The following GPC5 variants were observed in gnomAD, a reference collection of about 807,000 sequenced individuals.
GPC5 encodes glypican-5.
A neutral mutation model predicts 53.9 loss-of-function variants in GPC5; 47 were observed. The observed-to-expected ratio is 0.87, with a 90% confidence interval of 0.69 to 1.11. The LOEUF (loss-of-function observed/expected upper bound fraction) is 1.11. Among genes scored for constraint, GPC5 ranks in the 50% most tolerant of loss-of-function variants. The pLI is 0.00. For synonymous variants in GPC5, 286 were observed against 263.3 expected (o/e 1.09, Z -0.84); for missense variants, 748 against 713.1 (o/e 1.05, Z -0.56).
chr13:92,607,602 T>C (rs913123708), intron 7 of GPC5, among the ~76,000 whole-genome samples: 21 of 152,182 alleles, frequency 1.4e-4, no homozygotes, highest in African/African-American at 4.8e-4. Flanking sequence ...AAATTGTCTA[T>C]GAAATTGTGT....
chr13:92,484,680 A>G (rs1034701915), intron 7 of GPC5: 1 of 152,306 alleles, frequency 6.6e-6, no homozygotes, highest in Middle Eastern at 3.4e-3. Context: ...GACAGACAAC[A>G]TGTGAGTTTG....
At chr13:91,715,794 C>CTG (rs1250569260) in intron 3 of GPC5, among the ~76,000 whole-genome samples, 4 of 149,484 alleles carry the variant, frequency 2.7e-5, no homozygotes, top group Admixed American at 6.7e-5. Context: ...CTCTCTCTCT[C>CTG]TCTCTCTGTG....
At chr13:92,115,340 C>T (rs2041591910) in intron 6 of GPC5, among the ~76,000 whole-genome samples, 1 of 152,172 alleles carries the variant, frequency 6.6e-6, no homozygotes, top group South Asian at 2.1e-4. Context: ...AAGCGCATCT[C>T]TACTAAAAAT....
intron 7 of GPC5, among the ~76,000 whole-genome samples, chr13:92,382,191 T>TA (rs1393507362): frequency 6.6e-6 from 1 of 151,754 alleles, no homozygotes; most frequent in Non-Finnish European, 1.5e-5. Flanking sequence ...ATAAGAATGA[T>TA]ACAATGGACT....
intron 7 of GPC5, among the ~76,000 whole-genome samples, chr13:92,822,958 C>T (rs907160403): frequency 1.3e-5 from 2 of 150,832 alleles, no homozygotes; most frequent in Non-Finnish European, 2.9e-5. Context: ...GTAGTAAGCA[C>T]TTTTTGAGAA....
intron 2 of GPC5, among the ~76,000 whole-genome samples, chr13:91,491,504 C>T (rs1195970689): frequency 6.6e-6 from 1 of 152,130 alleles, no homozygotes; most frequent in Non-Finnish European, 1.5e-5. Flanking sequence ...TAACTTCATG[C>T]CTTTCCAAAC....
chr13:91,926,648 C>T (rs1393709827), intron 6 of GPC5, among the ~76,000 whole-genome samples: 1 of 152,184 alleles, frequency 6.6e-6, no homozygotes. Flanking sequence ...TAAGCTACCC[C>T]TTTGGCTTAA....
chr13:92,485,823 A>G (rs1195779293), intron 7 of GPC5, among the ~76,000 whole-genome samples: 1 of 152,204 alleles, frequency 6.6e-6, no homozygotes, highest in Non-Finnish European at 1.5e-5. Context: ...TAAATTAGCC[A>G]GACTTGGTGG....
chr13:92,197,533 T>C (rs866310634), intron 7 of GPC5, among the ~76,000 whole-genome samples: 3 of 152,126 alleles, frequency 2.0e-5, no homozygotes, highest in Non-Finnish European at 4.4e-5. Context: ...GGTCTCGCTT[T>C]TTCTCCCAGG....
At chr13:92,860,127 TTTCA>T (rs1879131088) in intron 7 of GPC5, among the ~76,000 whole-genome samples, 1 of 152,226 alleles carries the variant, frequency 6.6e-6, no homozygotes, top group Non-Finnish European at 1.5e-5. Flanking sequence ...CATTACTTCA[TTTCA>T]TTCATTGTTT....
intron 2 of GPC5, among the ~76,000 whole-genome samples, chr13:91,451,525 C>T (rs1881172541): frequency 6.6e-6 from 1 of 151,992 alleles, no homozygotes; most frequent in Admixed American, 6.6e-5. Context: ...CTAAGATTAT[C>T]CTATGTGAAA....
chr13:92,546,149 G>A (rs1267075194), intron 7 of GPC5, among the ~76,000 whole-genome samples: 1 of 152,034 alleles, frequency 6.6e-6, no homozygotes, highest in African/African-American at 2.4e-5. Flanking sequence ...ACATAGTGTT[G>A]GAAGTTCTGG....
chr13:92,345,130 TATG>T (rs2043399940), intron 7 of GPC5, among the ~76,000 whole-genome samples: 2 of 152,096 alleles, frequency 1.3e-5, no homozygotes, highest in African/African-American at 4.8e-5. Flanking sequence ...CCAGAATAAT[TATG>T]ATCCATGAAA....
intron 2 of GPC5, among the ~76,000 whole-genome samples, chr13:91,657,141 T>C (rs776172926): frequency 1.3e-5 from 2 of 152,182 alleles, no homozygotes; most frequent in African/African-American, 2.4e-5. Flanking sequence ...ATGATCATAC[T>C]GGCAGGAGAA....
intron 1 of GPC5, among the ~76,000 whole-genome samples, chr13:91,414,767 C>T (rs1366000195): frequency 6.6e-6 from 1 of 152,176 alleles, no homozygotes; most frequent in Non-Finnish European, 1.5e-5. Flanking sequence ...ACCATACTCT[C>T]TTGGTCATGA....
intron 7 of GPC5, among the ~76,000 whole-genome samples, chr13:92,341,498 G>C (rs968932261): frequency 2.6e-5 from 4 of 151,970 alleles, no homozygotes; most frequent in African/African-American, 9.7e-5. Flanking sequence ...TAATTTCAAA[G>C]TAATGCTATA....
At chr13:92,814,254 C>G (rs1167005665) in intron 7 of GPC5, among the ~76,000 whole-genome samples, 2 of 151,898 alleles carry the variant, frequency 1.3e-5, no homozygotes, top group Non-Finnish European at 2.9e-5. Context: ...CCCAAAACTA[C>G]AAAACTCCCA....
At chr13:92,278,879 T>C (rs1019778668) in intron 7 of GPC5, among the ~76,000 whole-genome samples, 1 of 152,098 alleles carries the variant, frequency 6.6e-6, no homozygotes, top group Non-Finnish European at 1.5e-5. Flanking sequence ...TCTATTCCAT[T>C]GGTCTATATG....
At chr13:92,364,624 G>C (rs1326291844) in intron 7 of GPC5, among the ~76,000 whole-genome samples, 1 of 151,648 alleles carries the variant, frequency 6.6e-6, no homozygotes, top group East Asian at 1.9e-4. Flanking sequence ...CAGCTACTCG[G>C]GAGGCTGAGG....
Sources: gnomAD v4.1 joint callset for allele counts (sites outside exome capture counted in the v4.1 genomes callset) on GRCh38, gnomAD v4.1.1 for gene constraint, MANE v1.5 for transcripts, NCBI Gene and HGNC (gene_info 2026-07-23, HGNC 2026-07-21) for gene names.